Variants in AOPEP observed in about 807,000 individuals in gnomAD.
The protein encoded by AOPEP is aminopeptidase O (putative).
In AOPEP, 77 loss-of-function variants were observed where a neutral mutation model predicts 98.1. The ratio of observed to expected loss-of-function variants is 0.78; its 90% CI spans 0.65 to 0.95. AOPEP has a LOEUF of 0.95. AOPEP is among the 40% of genes least tolerant of loss of function. The pLI is 0.00. For synonymous variants in AOPEP, 346 were observed against 365.3 expected, an observed-to-expected ratio of 0.95 and a Z score of 0.60; for missense variants, 1,024 against 1,024.7, an observed-to-expected ratio of 1.00 and a Z score of 0.01.
intron 10 of AOPEP, among the ~76,000 whole-genome samples, chr9:94,977,162 T>A (rs1367593048): frequency 6.6e-6 from 1 of 152,076 alleles, no homozygotes; most frequent in Non-Finnish European, 1.5e-5. Context: ...AAGATGGAGG[T>A]AAGACAGATT....
intron 3 of AOPEP, among the ~76,000 whole-genome samples, chr9:94,778,189 T>G (rs1050027037): frequency 1.3e-5 from 2 of 152,182 alleles, no homozygotes; most frequent in African/African-American, 4.8e-5. Context: ...TCTCATACAT[T>G]GCTGGTGAGA....
the AOPEP span, among the ~76,000 whole-genome samples, chr9:95,117,554 C>T: frequency 3.9e-5 from 6 of 151,994 alleles, no homozygotes; most frequent in African/African-American, 1.2e-4. Context: ...TCCCAATAAC[C>T]TCATATTTTC....
rs1418092123 is a variant in AOPEP at position 94,746,916 on chromosome 9, A to G, written c.-135-12733A>G. On this transcript the variant is annotated intron_variant, in intron 1 of 16. Transcript: ENST00000375315. ...GGTTATAATATATAAATCAAGCCAC[A>G]ACTGACAGTGATTTGCTTTTTTTGT... 2.0e-5 allele frequency among the ~76,000 whole-genome samples: 3 copies of G among 152,116 alleles called. No homozygotes were observed. The East Asian group carries it at 5.8e-4, about 29-fold the overall frequency.
intron 1 of AOPEP, among the ~76,000 whole-genome samples, chr9:94,742,243 G>C (rs982601070): frequency 6.6e-6 from 1 of 152,106 alleles, no homozygotes. Context: ...AAGAAGAGAG[G>C]AGTCAATGTG....
chr9:95,031,590 A>G (rs1330565969), intron 13 of AOPEP, among the ~76,000 whole-genome samples: 2 of 152,180 alleles, frequency 1.3e-5, no homozygotes, highest in African/African-American at 4.8e-5. Flanking sequence ...GGGAGTGAGG[A>G]CAGAACTGCA....
chr9:94,733,501 A>C (rs1831044720), intron 1 of AOPEP, among the ~76,000 whole-genome samples: 1 of 152,184 alleles, frequency 6.6e-6, no homozygotes, highest in Non-Finnish European at 1.5e-5. Flanking sequence ...TAACCAGCTC[A>C]TGGCAAGCAC....
At chr9:94,932,805 T>C in intron 7 of AOPEP, 1 of 985,416 alleles carries the variant, frequency 1.0e-6, no homozygotes, top group Non-Finnish European at 1.2e-6. Flanking sequence ...TAGATTGACT[T>C]TGCTGTGTTT....
intron 5 of AOPEP, chr9:94,810,011 C>T (rs369995284): frequency 5.1e-4 from 80 of 156,124 alleles, no homozygotes; most frequent in African/African-American, 1.8e-3. Flanking sequence ...ACTGTGTGGA[C>T]TGGTATCACC....
At chr9:95,049,625 T>C (rs1587797122) in intron 13 of AOPEP, among the ~76,000 whole-genome samples, 1 of 152,348 alleles carries the variant, frequency 6.6e-6, no homozygotes, top group South Asian at 2.1e-4. Context: ...CTTTTTCTTA[T>C]AGGAGCACAT....
chr9:95,021,917 A>G (rs1052210423), intron 13 of AOPEP: 6 of 152,208 alleles, frequency 3.9e-5, no homozygotes, highest in Non-Finnish European at 5.9e-5. Flanking sequence ...AAGAAGGACT[A>G]TTTCTGTTTA....
At chr9:94,948,336 G>A (rs1430617417) in intron 7 of AOPEP, among the ~76,000 whole-genome samples, 1 of 151,806 alleles carries the variant, frequency 6.6e-6, no homozygotes, top group Non-Finnish European at 1.5e-5. Flanking sequence ...ACCGTTGCAT[G>A]CTCTCCACCA....
chr9:95,018,285 T>C (rs1237322182), intron 13 of AOPEP, among the ~76,000 whole-genome samples: 1 of 152,230 alleles, frequency 6.6e-6, no homozygotes, highest in East Asian at 1.9e-4. Context: ...TCTGCCTCCT[T>C]GTCAGCTCCT....
intron 5 of AOPEP, among the ~76,000 whole-genome samples, chr9:94,830,742 AT>A (rs1228688915): frequency 6.6e-6 from 1 of 152,064 alleles, no homozygotes. Context: ...AATAATTGCC[AT>A]TTTGACTGGT....
intron 5 of AOPEP, among the ~76,000 whole-genome samples, chr9:94,867,890 C>T (rs905224131): frequency 6.6e-6 from 1 of 152,166 alleles, no homozygotes; most frequent in Non-Finnish European, 1.5e-5. Context: ...TCAACCATGT[C>T]AAAGTATCAA....
intron 14 of AOPEP, among the ~76,000 whole-genome samples, chr9:95,061,143 T>G (rs1424302862): frequency 6.6e-6 from 1 of 152,188 alleles, no homozygotes; most frequent in Non-Finnish European, 1.5e-5. Flanking sequence ...TTAAGGAAAC[T>G]TGGCTCAGAT....
intron 5 of AOPEP, among the ~76,000 whole-genome samples, chr9:94,893,046 A>G (rs2049054426): frequency 1.3e-5 from 2 of 152,192 alleles, no homozygotes; most frequent in Admixed American, 6.5e-5. Context: ...ATAATCAAAT[A>G]TATGACAGAA....
chr9:95,118,927 T>C, the AOPEP span, among the ~76,000 whole-genome samples: 1 of 152,362 alleles, frequency 6.6e-6, no homozygotes, highest in African/African-American at 2.4e-5. Context: ...CTCCTGGGGA[T>C]GCCATCGGAA....
In AOPEP at chr9:94,800,795, G is replaced by A. The variant is rs1210104283; in HGVS notation, c.1157G>A (p.Arg386His). 3.7e-6 allele frequency: 6 copies of A among 1,614,118 alleles called. No individual in the cohort carries two copies. The highest frequency in any genetic ancestry group is 2.2e-5 in the East Asian group (1 of 44,884). The change falls in exon 5 of 17, where the codon CGC (arginine) becomes CAC (histidine). Residue 386 changes from arginine (R) to histidine (H), a missense_variant. This residue lies in a region of AOPEP where 18 missense variants were observed against 39.1 expected (regional missense o/e 0.46). Transcript: ENST00000375315. ...TGCAGTCACATGGAATACCCCTGCC[G>A]CTTCCAGAATGCTTCTGCCACCACC... ...GVCSHMEYPCRFQNASATTQE... is the reference protein window; with the variant it reads ...GVCSHMEYPCHFQNASATTQE...
chr9:94,864,413 G>A (rs547366035), intron 5 of AOPEP, among the ~76,000 whole-genome samples: 1 of 152,246 alleles, frequency 6.6e-6, no homozygotes, highest in Non-Finnish European at 1.5e-5. Flanking sequence ...TTCTCTTTTG[G>A]ATTGTGCCAG....
Sources: gnomAD v4.1 joint callset for allele counts (sites outside exome capture counted in the v4.1 genomes callset) on GRCh38, gnomAD v4.1.1 for gene constraint, gnomAD v4.1.1 regional missense constraint, MANE v1.5 for transcripts, NCBI Gene and HGNC (gene_info 2026-07-23, HGNC 2026-07-21) for gene names.